The following PCMTD1 variants were observed in gnomAD, a reference collection of about 807,000 sequenced individuals.
PCMTD1 encodes the protein protein-L-isoaspartate (D-aspartate) O-methyltransferase domain containing 1, also known as protein-L-isoaspartate O-methyltransferase domain-containing protein 1.
Under a neutral mutation model 37.6 loss-of-function variants are expected in PCMTD1, and 12 were observed. That is an observed-to-expected ratio of 0.32 (90% CI 0.20 to 0.52). The LOEUF is 0.52. Ranked by LOEUF, PCMTD1 falls within the 20% of genes least tolerant of loss-of-function variation. The probability of loss-of-function intolerance (pLI) is 0.97; values close to 1 mark genes in which losing one functional copy is unlikely to be tolerated. For missense variants in PCMTD1, 235 were observed against 421.3 expected (o/e 0.56, Z 3.87); for synonymous variants, 117 against 135.8 (o/e 0.86, Z 0.96).
chr8:51,842,324 T>C (rs2038158922), intron 3 of PCMTD1, among the ~76,000 whole-genome samples: 1 of 152,108 alleles, frequency 6.6e-6, no homozygotes, highest in African/African-American at 2.4e-5. Context: ...CTATACAACA[T>C]AAAAACATGT....
Position 51,820,535 on chromosome 8 carries a change from G to A in PCMTD1, c.890C>T (p.Pro297Leu). The A allele has an allele frequency of 2.5e-6, 4 of 1,612,206 alleles. No homozygotes were observed. The South Asian group carries it at 4.4e-5, about 18-fold the overall frequency. ...ATCCTCTTCACTGTCTAGAGGCTGA[G>A]GAATAAGCTGATTACCCACAAATAC... ...TYVFVGNQLI[P>L]QPLDSEEDEK... Residue 297 changes from proline to leucine, a missense_variant, in exon 6 of 6, where the codon CCT becomes CTT. Pro to Leu is a moderately conservative substitution (Grantham distance 98). Coordinates refer to ENST00000522514, the MANE Select transcript of PCMTD1 (RefSeq NM_052937.4).
intron 2 of PCMTD1, chr8:51,860,619 C>T: frequency 4.6e-6 from 2 of 433,620 alleles, no homozygotes; most frequent in South Asian, 4.1e-5. Context: ...CAGACAATGA[C>T]TAACAGAGAA....
chr8:51,834,614 G>A (rs112929567), intron 3 of PCMTD1, among the ~76,000 whole-genome samples: 3 of 151,296 alleles, frequency 2.0e-5, no homozygotes, highest in African/African-American at 7.2e-5. Context: ...TATTATTTGA[G>A]GATGAAATAA....
chr8:51,889,888 G>C (rs2038913273), intron 1 of PCMTD1, among the ~76,000 whole-genome samples: 1 of 148,962 alleles, frequency 6.7e-6, no homozygotes, highest in Non-Finnish European at 1.5e-5. Flanking sequence ...GTGTGTGTGT[G>C]TGTGTACACA....
At chr8:51,839,439 T>A in intron 3 of PCMTD1, 1 of 985,000 alleles carries the variant, frequency 1.0e-6, no homozygotes, top group Non-Finnish European at 1.2e-6. Context: ...AGGATTCTAA[T>A]CACTTACCTT....
chr8:51,834,593 CA>C (rs2038041535), intron 3 of PCMTD1, among the ~76,000 whole-genome samples: 1 of 77,564 alleles, frequency 1.3e-5, no homozygotes, highest in Admixed American at 1.5e-4. Context: ...GATCATAGAG[CA>C]AAAGCACACT....
intron 1 of PCMTD1, among the ~76,000 whole-genome samples, chr8:51,897,267 G>A (rs994292583): frequency 2.0e-5 from 3 of 152,168 alleles, no homozygotes; most frequent in African/African-American, 7.2e-5. Flanking sequence ...GTATGCAATG[G>A]GAATTTCCTA....
At position 51,819,520 on chromosome 8, in the gene PCMTD1, T is replaced by A. The variant is rs76525827; in HGVS notation, c.*831A>T. The A allele has an allele frequency of 4.6e-5, 7 of 152,624 alleles. No homozygotes were observed. In the South Asian group the frequency reaches 6.2e-4, roughly 14 times the overall value. The allele number at this position is 152,624 out of a possible 1,614,324, so 9.5% of individuals were successfully genotyped here. A position where few individuals can be genotyped will look rare whatever the true frequency, so the allele number is the denominator to read the frequency against. ...CACATAACAATGGTTTTGCTTTTTT[T>A]AAAAAACCAAATACTTTATACAGTG... On this transcript the variant is annotated 3_prime_UTR_variant, in exon 6 of 6. Coordinates refer to ENST00000522514, the MANE Select transcript of PCMTD1 (RefSeq NM_052937.4).
chr8:51,849,891 GA>G, intron 2 of PCMTD1: 1 of 601,214 alleles, frequency 1.7e-6, no homozygotes. Flanking sequence ...CTGATGAGTA[GA>G]AGACTGAGGC....
chr8:51,888,977 T>G (rs1419853875), intron 1 of PCMTD1, among the ~76,000 whole-genome samples: 1 of 152,220 alleles, frequency 6.6e-6, no homozygotes, highest in Non-Finnish European at 1.5e-5. Flanking sequence ...CGTTTCTTTT[T>G]TGTGTGACTA....
In PCMTD1 at chr8:51,831,492, C is replaced by G; in HGVS notation, c.658G>C (p.Val220Leu). ...NILAVSFAPL[V>L]QPSKNDNGKP... ...CCATTATCATTCTTACTTGGTTGCA[C>G]AAGTGGAGCAAATGAAACAGCAAGG... Residue 220 changes from valine (V) to leucine (L), a missense_variant, in exon 5 of 6, where the codon GTG (valine) becomes CTG (leucine). By Grantham distance (32) the Val-to-Leu change is conservative. Around this residue, in one of 3 missense-constraint regions of PCMTD1, gnomAD observed 183 missense variants for 349.3 expected, o/e 0.52. Coordinates refer to ENST00000522514, the MANE Select transcript of PCMTD1 (RefSeq NM_052937.4). The G allele has an allele frequency of 6.2e-7, 1 of 1,613,784 alleles. No individual in the cohort carries two copies. Among genetic ancestry groups the G allele is most frequent in the Non-Finnish European group, 8.5e-7 (1 of 1,179,888 alleles).
At chr8:51,858,598 A>C (rs1372998776) in intron 2 of PCMTD1, among the ~76,000 whole-genome samples, 2 of 152,224 alleles carry the variant, frequency 1.3e-5, no homozygotes. Flanking sequence ...GTAAAGATAA[A>C]GCTTCCTCAG....
At chr8:51,856,288 G>C (rs978224898) in intron 2 of PCMTD1, among the ~76,000 whole-genome samples, 2 of 152,096 alleles carry the variant, frequency 1.3e-5, no homozygotes, top group Non-Finnish European at 2.9e-5. Flanking sequence ...AGTCATTAAG[G>C]AAGAGCAAAT....
At chr8:51,881,302 A>G (rs2038788064) in intron 1 of PCMTD1, among the ~76,000 whole-genome samples, 1 of 152,220 alleles carries the variant, frequency 6.6e-6, no homozygotes, top group African/African-American at 2.4e-5. Flanking sequence ...TGGATTTTCA[A>G]TAATGCCCAG....
chr8:51,824,166 T>C (rs2037887867), intron 5 of PCMTD1, among the ~76,000 whole-genome samples: 1 of 152,250 alleles, frequency 6.6e-6, no homozygotes, highest in African/African-American at 2.4e-5. Context: ...TCACCACTCC[T>C]ATTCAACATA....
intron 3 of PCMTD1, among the ~76,000 whole-genome samples, chr8:51,840,489 A>G (rs1159433126): frequency 3.9e-5 from 6 of 152,132 alleles, no homozygotes; most frequent in Non-Finnish European, 8.8e-5. Flanking sequence ...AACAATTGTT[A>G]TAAAACTACT....
chr8:51,875,697 G>T (rs1329753248), intron 1 of PCMTD1, among the ~76,000 whole-genome samples: 1 of 152,132 alleles, frequency 6.6e-6, no homozygotes, highest in African/African-American at 2.4e-5. Flanking sequence ...CAGCACTCTG[G>T]GAAGCCAAGG....
chr8:51,875,856 C>G (rs565050218), intron 1 of PCMTD1, among the ~76,000 whole-genome samples: 1 of 152,230 alleles, frequency 6.6e-6, no homozygotes, highest in South Asian at 2.1e-4. Flanking sequence ...CACTTGTGCC[C>G]AGGAGTTCAA....
At position 51,898,208 on chromosome 8, in the gene PCMTD1, A is replaced by G. The variant is rs191551310; in HGVS notation, c.-96+722T>C. Reference sequence around the variant, plus strand: ...AATATATCTCTGGTTTCTCGATTCTAAAAAGAGGACACACGAAAACAAAAT... The same window carrying G: ...AATATATCTCTGGTTTCTCGATTCTGAAAAGAGGACACACGAAAACAAAAT... On this transcript the variant is annotated intron_variant, in intron 1 of 5. Transcript: ENST00000522514. Among the ~76,000 whole-genome samples the G allele has an allele frequency of 3.9e-5, 6 of 152,278 alleles. No homozygotes were observed. In the East Asian group the frequency reaches 1.2e-3, roughly 29 times the overall value.
Sources: allele counts gnomAD v4.1 joint callset (sites outside exome capture counted in the v4.1 genomes callset), GRCh38; gene constraint gnomAD v4.1.1; regional missense constraint gnomAD v4.1.1; transcripts MANE v1.5; gene names NCBI Gene and HGNC (gene_info 2026-07-23, HGNC 2026-07-21).